Variants in PTGER3 observed in about 807,000 individuals in gnomAD.
PTGER3 encodes prostaglandin E receptor 3.
Under a neutral mutation model 34.7 loss-of-function variants are expected in PTGER3, and 22 were observed. The ratio of observed to expected loss-of-function variants is 0.63; its 90% CI spans 0.45 to 0.91. PTGER3 has a LOEUF of 0.91. Among genes scored for constraint, PTGER3 ranks in the 40% least tolerant of loss-of-function variants. The pLI is 0.00. For synonymous variants in PTGER3, 241 were observed against 230.1 expected (o/e 1.05, Z -0.43); for missense variants, 468 against 519.4 (o/e 0.90, Z 0.96).
intron 1 of PTGER3, among the ~76,000 whole-genome samples, chr1:71,036,895 C>T (rs535345175): frequency 6.6e-6 from 1 of 152,206 alleles, no homozygotes; most frequent in East Asian, 1.9e-4. Context: ...GAGTACCACC[C>T]AGAGCCTAAT....
chr1:70,939,466 G>A (rs1649554746), intron 4 of PTGER3, among the ~76,000 whole-genome samples: 1 of 152,196 alleles, frequency 6.6e-6, no homozygotes, highest in Non-Finnish European at 1.5e-5. Context: ...CTGTGTGGGG[G>A]CTCTGACCCC....
intron 4 of PTGER3, among the ~76,000 whole-genome samples, chr1:70,941,932 C>T (rs1649795605): frequency 6.6e-6 from 1 of 152,006 alleles, no homozygotes; most frequent in Admixed American, 6.6e-5. Flanking sequence ...CTTAAAAATC[C>T]TCAAATTTAT....
intron 4 of PTGER3, chr1:70,865,642 T>G (rs768980446): frequency 1.5e-6 from 2 of 1,353,010 alleles, no homozygotes; most frequent in Non-Finnish European, 2.0e-6. Context: ...TAGGCTGACT[T>G]CCTGGGTAAA....
chr1:70,952,924 T>C, exon 4 of PTGER3: 1 of 1,610,370 alleles, frequency 6.2e-7, no homozygotes, highest in South Asian at 1.1e-5. Context: ...GTCTTTACTG[T>C]TGAGATTCTG....
intron 4 of PTGER3, among the ~76,000 whole-genome samples, chr1:70,870,727 A>G (rs1278270447): frequency 2.0e-5 from 3 of 152,190 alleles, no homozygotes; most frequent in African/African-American, 7.2e-5. Flanking sequence ...ACAGATTCCT[A>G]AGGCATGGAT....
At chr1:71,024,645 C>CTTTTTTT (rs35271200) in intron 1 of PTGER3, among the ~76,000 whole-genome samples, 6 of 117,162 alleles carry the variant, frequency 5.1e-5, no homozygotes, top group African/African-American at 1.4e-4. Flanking sequence ...CCTTTTCTTT[C>CTTTTTTT]TTTTTTTTTT....
chr1:70,993,043 C>T (rs116787455), intron 2 of PTGER3, among the ~76,000 whole-genome samples: 1 of 152,082 alleles, frequency 6.6e-6, no homozygotes, highest in African/African-American at 2.4e-5. Flanking sequence ...TATGAGGTCC[C>T]TCAATGTTAA....
intron 4 of PTGER3, among the ~76,000 whole-genome samples, chr1:70,865,052 A>G (rs1441003093): frequency 6.6e-6 from 1 of 151,510 alleles, no homozygotes; most frequent in East Asian, 1.9e-4. Flanking sequence ...GTGATAGGGA[A>G]AACATTACAG....
At chr1:70,913,684 CA>C (rs1647110230) in intron 4 of PTGER3, among the ~76,000 whole-genome samples, 1 of 151,790 alleles carries the variant, frequency 6.6e-6, no homozygotes, top group African/African-American at 2.4e-5. Context: ...GAGATTTTAT[CA>C]GGAATAAATA....
chr1:71,005,834 G>A (rs1656908079), intron 2 of PTGER3: 1 of 954,810 alleles, frequency 1.0e-6, no homozygotes, highest in Non-Finnish European at 1.2e-6. Flanking sequence ...GAAATTTCGG[G>A]TGAGCCATAG....
At chr1:70,872,636 G>A (rs185261876) in intron 4 of PTGER3, among the ~76,000 whole-genome samples, 512 of 152,258 alleles carry the variant, frequency 3.4e-3, no homozygotes, top group African/African-American at 0.012. Flanking sequence ...TTGACGCCAA[G>A]GTTTGTGTAG....
intron 2 of PTGER3, among the ~76,000 whole-genome samples, chr1:70,987,440 C>A (rs560230551): frequency 2.6e-5 from 4 of 152,222 alleles, no homozygotes; most frequent in African/African-American, 9.6e-5. Flanking sequence ...ATATTAAATG[C>A]ACTCTTCTAG....
chr1:70,984,852 TTA>T (rs1654759950), intron 2 of PTGER3, among the ~76,000 whole-genome samples: 1 of 152,026 alleles, frequency 6.6e-6, no homozygotes, highest in Admixed American at 6.6e-5. Context: ...AAGAATAAAG[TTA>T]CACAATTTAG....
chr1:70,920,981 T>A (rs1298340151), intron 4 of PTGER3, among the ~76,000 whole-genome samples: 1 of 152,226 alleles, frequency 6.6e-6, no homozygotes, highest in Non-Finnish European at 1.5e-5. Flanking sequence ...AAGCTGGTAA[T>A]GTTTAGATAC....
At chr1:70,925,560 G>A (rs1647988566) in intron 4 of PTGER3, among the ~76,000 whole-genome samples, 1 of 152,114 alleles carries the variant, frequency 6.6e-6, no homozygotes, top group Admixed American at 6.6e-5. Context: ...TTTTGATGTA[G>A]TCACTTAATG....
intron 2 of PTGER3, among the ~76,000 whole-genome samples, chr1:70,954,728 A>G (rs1050561506): frequency 6.6e-6 from 1 of 152,238 alleles, no homozygotes; most frequent in Middle Eastern, 3.4e-3. Flanking sequence ...GGGTCTCTTG[A>G]TGGCATTTTG....
At chr1:70,906,088 C>T (rs746227121) in intron 4 of PTGER3, among the ~76,000 whole-genome samples, 5 of 152,076 alleles carry the variant, frequency 3.3e-5, no homozygotes, top group African/African-American at 9.7e-5. Flanking sequence ...CTGCCACCAT[C>T]GATGTAAGAT....
At chr1:71,019,709 C>T (rs946616795) in intron 1 of PTGER3, among the ~76,000 whole-genome samples, 2 of 152,158 alleles carry the variant, frequency 1.3e-5, no homozygotes, top group Non-Finnish European at 2.9e-5. Flanking sequence ...TAATCACACA[C>T]TTAAAAATCT....
chr1:70,960,117 C>T (rs6658663), intron 2 of PTGER3, among the ~76,000 whole-genome samples: 19,007 of 152,092 alleles, frequency 0.12, 1,803 homozygotes, highest in African/African-American at 0.25. Flanking sequence ...AGGGGTGGAG[C>T]AGGTTTTTCC....
Sources: gnomAD v4.1 joint callset for allele counts (sites outside exome capture counted in the v4.1 genomes callset) on GRCh38, gnomAD v4.1.1 for gene constraint, MANE v1.5 for transcripts, NCBI Gene and HGNC (gene_info 2026-07-23, HGNC 2026-07-21) for gene names.